Variants in CDH13 observed in about 807,000 individuals in gnomAD.
CDH13 encodes the protein cadherin-13.
Under a neutral mutation model 63.8 loss-of-function variants are expected in CDH13, and 24 were observed. The observed-to-expected ratio is 0.38, with a 90% CI of 0.27 to 0.53. CDH13 has a LOEUF of 0.53. CDH13 is among the 20% of genes least tolerant of loss of function. The pLI, the probability that CDH13 is intolerant of heterozygous loss-of-function variation, is 0.85. For missense variants in CDH13, 1,049 were observed against 903.1 expected (o/e 1.16, Z -2.07); for synonymous variants, 503 against 355.3 (o/e 1.42, Z -4.67).
At chr16:83,005,701 C>G (rs779016679) in intron 2 of CDH13, among the ~76,000 whole-genome samples, 113 of 152,340 alleles carry the variant, frequency 7.4e-4, no homozygotes, top group Admixed American at 4.3e-3. Context: ...CAGAAGTACC[C>G]TAATTGGTTC....
At chr16:82,934,548 C>A (rs1029064214) in intron 2 of CDH13, among the ~76,000 whole-genome samples, 1 of 152,224 alleles carries the variant, frequency 6.6e-6, no homozygotes, top group Admixed American at 6.5e-5. Context: ...ATGCAAATTT[C>A]TGCAGCAGGC....
intron 9 of CDH13, among the ~76,000 whole-genome samples, chr16:83,676,726 C>G (rs1460566891): frequency 6.6e-6 from 1 of 152,178 alleles, no homozygotes; most frequent in Non-Finnish European, 1.5e-5. Flanking sequence ...AGTCCAGTTA[C>G]AACCAGGAAG....
intron 6 of CDH13, among the ~76,000 whole-genome samples, chr16:83,448,021 G>A (rs991169635): frequency 6.6e-6 from 1 of 152,160 alleles, no homozygotes; most frequent in Non-Finnish European, 1.5e-5. Context: ...CTTGCCTGGA[G>A]CAGGTACTTC....
intron 4 of CDH13, among the ~76,000 whole-genome samples, chr16:83,183,356 T>C (rs1420754717): frequency 6.6e-6 from 1 of 152,214 alleles, no homozygotes; most frequent in Non-Finnish European, 1.5e-5. Flanking sequence ...GCAGAAAATA[T>C]TTATCTTCTT....
At chr16:83,485,170 G>C (rs1209753892) in intron 6 of CDH13, among the ~76,000 whole-genome samples, 1 of 152,182 alleles carries the variant, frequency 6.6e-6, no homozygotes, top group African/African-American at 2.4e-5. Flanking sequence ...TGAACAGCTA[G>C]GCTGTTTCCA....
intron 10 of CDH13, among the ~76,000 whole-genome samples, chr16:83,688,994 G>A (rs534234202): frequency 6.6e-6 from 1 of 152,128 alleles, no homozygotes; most frequent in Non-Finnish European, 1.5e-5. Context: ...GTCAATTAAA[G>A]GTGCTCAGTT....
chr16:83,538,100 G>A (rs1161890668), intron 7 of CDH13, among the ~76,000 whole-genome samples: 1 of 152,156 alleles, frequency 6.6e-6, no homozygotes. Flanking sequence ...GACACTTGAA[G>A]CAATCTTAAA....
chr16:83,419,877 A>G (rs906858936), intron 6 of CDH13, among the ~76,000 whole-genome samples: 3 of 151,898 alleles, frequency 2.0e-5, no homozygotes, highest in Non-Finnish European at 4.4e-5. Context: ...TCAGCTCTAC[A>G]TAATAACAGG....
intron 1 of CDH13, among the ~76,000 whole-genome samples, chr16:82,743,936 T>A (rs1365953125): frequency 6.6e-6 from 1 of 152,256 alleles, no homozygotes; most frequent in African/African-American, 2.4e-5. Flanking sequence ...GATTTGTTCA[T>A]CTGGCATGTA....
chr16:83,483,349 A>G (rs1465423583), intron 6 of CDH13, among the ~76,000 whole-genome samples: 1 of 152,156 alleles, frequency 6.6e-6, no homozygotes, highest in Non-Finnish European at 1.5e-5. Context: ...TTTTCTGTGT[A>G]TGCTTGGGAA....
At chr16:83,050,889 T>C in intron 3 of CDH13, among the ~76,000 whole-genome samples, 1 of 152,118 alleles carries the variant, frequency 6.6e-6, no homozygotes, top group Non-Finnish European at 1.5e-5. Context: ...ACCCACCACC[T>C]TGTATTTGTC....
At chr16:82,913,506 C>A (rs1475304295) in intron 2 of CDH13, among the ~76,000 whole-genome samples, 2 of 152,168 alleles carry the variant, frequency 1.3e-5, no homozygotes, top group South Asian at 4.1e-4. Context: ...ATTTTACTTT[C>A]TGTGAATAAG....
intron 6 of CDH13, among the ~76,000 whole-genome samples, chr16:83,364,168 G>C (rs1343496071): frequency 6.6e-6 from 1 of 152,088 alleles, no homozygotes; most frequent in African/African-American, 2.4e-5. Flanking sequence ...ATCCATCTAG[G>C]TTCTTGGTAG....
At chr16:82,980,545 A>G (rs76179573) in intron 2 of CDH13, among the ~76,000 whole-genome samples, 3,667 of 152,304 alleles carry the variant, frequency 0.024, 62 homozygotes, top group South Asian at 0.033. Context: ...ATTTTTTTGA[A>G]GGCTCATTTC....
intron 5 of CDH13, among the ~76,000 whole-genome samples, chr16:83,325,573 A>G (rs2090341885): frequency 1.3e-5 from 2 of 152,178 alleles, no homozygotes; most frequent in African/African-American, 2.4e-5. Context: ...ATGAATGAGC[A>G]TAGCTTTATT....
At chr16:82,953,210 C>G (rs539969437) in intron 2 of CDH13, 31 of 152,220 alleles carry the variant, frequency 2.0e-4, no homozygotes, top group African/African-American at 7.5e-4. Flanking sequence ...GTGAAAAGGT[C>G]AAGATAAAAA....
intron 6 of CDH13, among the ~76,000 whole-genome samples, chr16:83,436,393 C>T (rs1331778742): frequency 1.3e-5 from 2 of 151,938 alleles, no homozygotes; most frequent in African/African-American, 4.8e-5. Flanking sequence ...ATCGCTTGAG[C>T]CTGAGAGTTC....
chr16:83,465,973 C>T (rs758340543), intron 6 of CDH13, among the ~76,000 whole-genome samples: 1 of 152,194 alleles, frequency 6.6e-6, no homozygotes, highest in Non-Finnish European at 1.5e-5. Flanking sequence ...TTTCCTTCCT[C>T]TACAGGGAGG....
At chr16:82,973,185 C>G (rs537975329) in intron 2 of CDH13, among the ~76,000 whole-genome samples, 9 of 152,232 alleles carry the variant, frequency 5.9e-5, no homozygotes, top group African/African-American at 2.2e-4. Context: ...CTTCTACCAA[C>G]GTTCACTCTG....
Sources: gnomAD v4.1 joint callset for allele counts (sites outside exome capture counted in the v4.1 genomes callset) on GRCh38, gnomAD v4.1.1 for gene constraint, MANE v1.5 for transcripts, NCBI Gene and HGNC (gene_info 2026-07-23, HGNC 2026-07-21) for gene names.